Variants in ASB15 observed in about 807,000 individuals in gnomAD.
ASB15 encodes the protein ankyrin repeat and SOCS box containing 15.
Under a neutral mutation model 58.0 loss-of-function variants are expected in ASB15, and 54 were observed. That is an observed-to-expected ratio of 0.93 (90% confidence interval 0.75 to 1.17). The LOEUF (loss-of-function observed/expected upper bound fraction) is 1.17. Among genes scored for constraint, ASB15 ranks in the 50% most tolerant of loss-of-function variants. The pLI is 0.00. For synonymous variants in ASB15, 249 were observed against 262.4 expected, an observed-to-expected ratio of 0.95 and a Z score of 0.50; for missense variants, 680 against 707.4, an observed-to-expected ratio of 0.96 and a Z score of 0.44.
At chr7:123,620,635 G>A (rs1461917946) in intron 7 of ASB15, among the ~76,000 whole-genome samples, 2 of 121,696 alleles carry the variant, frequency 1.6e-5, no homozygotes, top group Non-Finnish European at 3.2e-5. Flanking sequence ...GCAGTGGCGC[G>A]ATCTCAAAAC....
chr7:123,577,152 A>C (rs17146130), intron 1 of ASB15, among the ~76,000 whole-genome samples: 10,019 of 152,262 alleles, frequency 0.066, 359 homozygotes, highest in Non-Finnish European at 0.078. Flanking sequence ...GTATACCTAC[A>C]TGACTGATGT....
upstream of ASB15, among the ~76,000 whole-genome samples, chr7:123,600,686 C>A (rs1799846892): frequency 6.6e-6 from 1 of 152,276 alleles, no homozygotes; most frequent in South Asian, 2.1e-4. Flanking sequence ...TAAAATACTT[C>A]TCAGTTTGCT....
At chr7:123,594,835 G>T (rs55782012) in intron 1 of ASB15, among the ~76,000 whole-genome samples, 33,980 of 152,108 alleles carry the variant, frequency 0.22, 4,299 homozygotes, top group East Asian at 0.28. Context: ...AGGCAGGGAC[G>T]TTTAAGCCTG....
At chr7:123,607,782 C>T (rs970112273) in intron 2 of ASB15, among the ~76,000 whole-genome samples, 9 of 152,302 alleles carry the variant, frequency 5.9e-5, no homozygotes, top group African/African-American at 1.7e-4. Flanking sequence ...CCACCAGGCC[C>T]GGCCTTCTTC....
intron 1 of ASB15, among the ~76,000 whole-genome samples, chr7:123,576,987 G>A (rs747023176): frequency 2.0e-5 from 3 of 152,132 alleles, no homozygotes; most frequent in South Asian, 2.1e-4. Context: ...TTTTGCAGCC[G>A]TGGTCAAACA....
chr7:123,599,719 C>T (rs1405672490), upstream of ASB15, among the ~76,000 whole-genome samples: 7 of 152,204 alleles, frequency 4.6e-5, no homozygotes, highest in East Asian at 1.3e-3. Flanking sequence ...TCTTTCATAT[C>T]AGTTGCTATA....
At chr7:123,569,873 T>A (rs925606715) in intron 1 of ASB15, among the ~76,000 whole-genome samples, 1 of 152,128 alleles carries the variant, frequency 6.6e-6, no homozygotes, top group Non-Finnish European at 1.5e-5. Context: ...GGAATTTGAA[T>A]GTGATAAGAA....
At chr7:123,632,185 A>G (rs1396584031) in intron 11 of ASB15, among the ~76,000 whole-genome samples, 2 of 152,156 alleles carry the variant, frequency 1.3e-5, no homozygotes, top group Non-Finnish European at 2.9e-5. Context: ...AAATGAGCTA[A>G]AAAGCATGAG....
In ASB15 at chr7:123,636,867, C is replaced by T; in HGVS notation, c.1653C>T (p.Leu551=). 6.2e-7 allele frequency: 1 copy of T among 1,609,680 alleles called. No homozygotes were observed. The highest frequency in any genetic ancestry group is 1.4e-5 in the African/African-American group (1 of 74,072). The change falls in exon 12 of 12, where the codon CTC becomes CTT. Residue 551 remains leucine, a synonymous_variant. Transcript: ENST00000451215. ...CRLKIRRLMG[L]QKLCQPASVE... The stretch of plus-strand genomic sequence containing the variant: ...TAAAAATTCGAAGGCTTATGGGTCT[C>T]CAGAAACTCTGCCAGCCAGCCTCAG...
intron 1 of ASB15, among the ~76,000 whole-genome samples, chr7:123,586,202 A>G (rs905727011): frequency 6.6e-6 from 1 of 151,810 alleles, no homozygotes; most frequent in Non-Finnish European, 1.5e-5. Flanking sequence ...CCAAGAGTGT[A>G]CAAGACGTTT....
At position 123,624,944 on chromosome 7, in the gene ASB15, C is replaced by T. The variant is rs144222910; in HGVS notation, c.697+130C>T. The T allele has an allele frequency of 1.0e-4, 125 of 1,212,612 alleles. No individual in the cohort carries two copies. In the African/African-American group the frequency reaches 1.8e-3, roughly 17 times the overall value. 75.1% of individuals were successfully genotyped at this position (1,212,612 alleles called of 1,614,324 possible). A position where few individuals can be genotyped will look rare whatever the true frequency, so the allele number is the denominator to read the frequency against. On this transcript the variant is annotated intron_variant, in intron 8 of 11. Coordinates refer to ENST00000451215, the MANE Select transcript of ASB15 (RefSeq NM_001290258.2). ...TCTTCCTCTGCTGAATGGAACTTGG[C>T]ATCAGGTTTTCCCACCTGGTCCCTC...
chr7:123,596,984 G>T (rs1212689812), upstream of ASB15, among the ~76,000 whole-genome samples: 1 of 152,170 alleles, frequency 6.6e-6, no homozygotes, highest in Non-Finnish European at 1.5e-5. Context: ...CTTTGCCTTA[G>T]CACTACTGAG....
At chr7:123,607,327 G>A (rs1030326614) in intron 2 of ASB15, among the ~76,000 whole-genome samples, 1 of 152,008 alleles carries the variant, frequency 6.6e-6, no homozygotes, top group African/African-American at 2.4e-5. Context: ...TTTAATAACT[G>A]TGTAGTATTC....
chr7:123,609,974 C>T (rs187978883), intron 3 of ASB15, among the ~76,000 whole-genome samples: 38 of 152,224 alleles, frequency 2.5e-4, no homozygotes, highest in African/African-American at 8.4e-4. Context: ...GACTCCAAGG[C>T]AAAAAGTACA....
chr7:123,624,340 C>A (rs1291605818), intron 7 of ASB15, among the ~76,000 whole-genome samples: 2 of 152,138 alleles, frequency 1.3e-5, no homozygotes, highest in Admixed American at 1.3e-4. Flanking sequence ...AACTCTTACC[C>A]CTCCTCCAGG....
Position 123,617,659 on chromosome 7 carries a change from G to A in ASB15, c.373G>A (p.Glu125Lys), listed in dbSNP as rs1800913381. The change falls in exon 7 of 12, where the codon GAA (glutamate) becomes AAA (lysine). Residue 125 changes from glutamate to lysine, a missense_variant. Coordinates refer to ENST00000451215, the MANE Select transcript of ASB15 (RefSeq NM_001290258.2). ...LTLAVKAGLV[E>K]NVRTLLEKGV... is the part of the protein sequence containing the mutation. The stretch of plus-strand genomic sequence containing the variant: ...TTTGGCAGTCAAAGCTGGTCTGGTG[G>A]AAAATGTAAGAACTTTATTAGAAAA... The A allele has an allele frequency of 6.2e-7, 1 of 1,611,158 alleles. No homozygotes were observed. Among genetic ancestry groups the A allele is most frequent in the Non-Finnish European group, 8.5e-7 (1 of 1,177,436 alleles).
intron 1 of ASB15, among the ~76,000 whole-genome samples, chr7:123,569,796 A>G (rs1205272062): frequency 1.3e-5 from 2 of 152,098 alleles, no homozygotes; most frequent in Non-Finnish European, 2.9e-5. Context: ...CACTCTTGTA[A>G]CAGAGAGGCA....
chr7:123,575,372 C>G (rs1279293830), intron 1 of ASB15, among the ~76,000 whole-genome samples: 1 of 152,020 alleles, frequency 6.6e-6, no homozygotes, highest in African/African-American at 2.4e-5. Context: ...GTTCATACCT[C>G]TATTATTTTG....
rs750198433 is a variant in ASB15, at chr7:123,617,722, A to AC, written c.442dup (p.Leu148ProfsTer11). 45 of 1,609,044 alleles carry AC rather than the reference A, an allele frequency of 2.8e-5. No homozygotes were observed. Among genetic ancestry groups the AC allele is most frequent in the Middle Eastern group, 1.7e-4 (1 of 6,036 alleles). ...CAACACAAAAAATGATAAAGGAGAG[A>AC]CCCCCCTTCTGATTGGTAAATGACC... On this transcript the variant is annotated frameshift_variant, in exon 7 of 12. Coordinates refer to ENST00000451215, the MANE Select transcript of ASB15 (RefSeq NM_001290258.2). LOFTEE classifies it high-confidence loss of function.
Sources: allele counts gnomAD v4.1 joint callset (sites outside exome capture counted in the v4.1 genomes callset), GRCh38; gene constraint gnomAD v4.1.1; transcripts MANE v1.5; gene names NCBI Gene and HGNC (gene_info 2026-07-23, HGNC 2026-07-21).